The following TENM3 variants were observed in gnomAD, a reference collection of about 807,000 sequenced individuals.
The protein encoded by TENM3 is teneurin transmembrane protein 3.
Under a neutral mutation model 255.1 loss-of-function variants are expected in TENM3, and 63 were observed. The ratio of observed to expected loss-of-function variants is 0.25; its 90% confidence interval spans 0.20 to 0.30. The LOEUF (loss-of-function observed/expected upper bound fraction) is 0.30, where lower values mean the gene tolerates loss of function less well. Ranked by LOEUF, TENM3 falls within the 10% of genes least tolerant of loss-of-function variation. The pLI is 1.00. For synonymous variants in TENM3, 1,306 were observed against 1,322.3 expected, an observed-to-expected ratio of 0.99 and a Z score of 0.27; for missense variants, 2,929 against 3,461.1, an observed-to-expected ratio of 0.85 and a Z score of 3.86.
intron 2 of TENM3, among the ~76,000 whole-genome samples, chr4:182,326,537 T>C (rs969017361): frequency 1.2e-4 from 19 of 152,094 alleles, no homozygotes; most frequent in Non-Finnish European, 5.9e-5. Flanking sequence ...TTATCATTAT[T>C]ATTAATTAAT....
chr4:182,328,311 G>T (rs1288349710), intron 2 of TENM3, among the ~76,000 whole-genome samples: 1 of 152,016 alleles, frequency 6.6e-6, no homozygotes, highest in Non-Finnish European at 1.5e-5. Flanking sequence ...TGCCTCCTGG[G>T]TTCAAGCAAT....
At chr4:182,505,100 A>G (rs1257061456) in intron 3 of TENM3, among the ~76,000 whole-genome samples, 3 of 152,190 alleles carry the variant, frequency 2.0e-5, no homozygotes, top group Admixed American at 6.5e-5. Context: ...AGTATAATCA[A>G]TATTGATGGA....
the TENM3 span, among the ~76,000 whole-genome samples, chr4:182,049,697 GAGGAAA>G: frequency 3.9e-5 from 6 of 152,250 alleles, no homozygotes; most frequent in Non-Finnish European, 7.3e-5. Flanking sequence ...TACCGTTTAA[GAGGAAA>G]AGGAAAAGTC....
At chr4:181,479,293 G>A in the TENM3 span, among the ~76,000 whole-genome samples, 7 of 152,148 alleles carry the variant, frequency 4.6e-5, no homozygotes, top group Admixed American at 4.6e-4. Context: ...AAAAGGCAGA[G>A]ACTGACAACT....
intron 3 of TENM3, among the ~76,000 whole-genome samples, chr4:182,566,718 T>G (rs1272486652): frequency 1.3e-5 from 2 of 152,230 alleles, no homozygotes; most frequent in African/African-American, 4.8e-5. Context: ...TTTACAAAGA[T>G]GCACACCTGT....
the TENM3 span, among the ~76,000 whole-genome samples, chr4:181,622,920 A>T: frequency 6.0e-4 from 91 of 152,194 alleles, no homozygotes; most frequent in African/African-American, 2.1e-3. Context: ...AGGTACACAC[A>T]TTACTAACTT....
chr4:181,756,692 T>A, the TENM3 span, among the ~76,000 whole-genome samples: 3 of 152,214 alleles, frequency 2.0e-5, no homozygotes, highest in Non-Finnish European at 4.4e-5. Context: ...AAAGCAAATG[T>A]TAGGGCTAAC....
chr4:182,363,849 C>T (rs1358286132), intron 3 of TENM3, among the ~76,000 whole-genome samples: 1 of 152,020 alleles, frequency 6.6e-6, no homozygotes, highest in Non-Finnish European at 1.5e-5. Flanking sequence ...TGTTAATGTT[C>T]ACAAAGAAAG....
intron 1 of TENM3, among the ~76,000 whole-genome samples, chr4:182,230,091 A>C (rs1353249210): frequency 6.6e-6 from 1 of 151,284 alleles, no homozygotes; most frequent in Non-Finnish European, 1.5e-5. Flanking sequence ...ATAAGCAGAC[A>C]GAGAAATTTC....
chr4:182,654,910 G>A (rs1421573288), intron 6 of TENM3, among the ~76,000 whole-genome samples: 1 of 152,008 alleles, frequency 6.6e-6, no homozygotes, highest in East Asian at 1.9e-4. Flanking sequence ...TCCTTAGGGA[G>A]GTTGAGGAAT....
At chr4:181,793,378 A>T in the TENM3 span, among the ~76,000 whole-genome samples, 3 of 152,234 alleles carry the variant, frequency 2.0e-5, no homozygotes, top group Non-Finnish European at 4.4e-5. Context: ...CCCACAGAGC[A>T]TGCTGAGGCT....
chr4:182,314,000 T>G (rs1762597363), intron 1 of TENM3, among the ~76,000 whole-genome samples: 1 of 152,212 alleles, frequency 6.6e-6, no homozygotes, highest in African/African-American at 2.4e-5. Flanking sequence ...ATATTCTGTC[T>G]CCTTTCTCAG....
At chr4:182,579,355 G>A (rs536116787) in intron 3 of TENM3, among the ~76,000 whole-genome samples, 2 of 136,484 alleles carry the variant, frequency 1.5e-5, no homozygotes, top group South Asian at 4.9e-4. Context: ...GTAGGATAAT[G>A]CAATGGGAAA....
intron 3 of TENM3, among the ~76,000 whole-genome samples, chr4:182,350,928 C>T (rs1330080176): frequency 6.6e-6 from 1 of 152,054 alleles, no homozygotes; most frequent in South Asian, 2.1e-4. Context: ...CGTGATCTGC[C>T]CGCCTCTGCC....
rs1235673597 is a variant in TENM3, at chr4:182,792,900, C to T, written c.6228C>T (p.Thr2076=). 6.2e-6 allele frequency: 10 copies of T among 1,613,776 alleles called. No homozygotes were observed. The East Asian group carries it at 1.6e-4, about 25-fold the overall frequency. The change falls in exon 26 of 28, where the codon ACC becomes ACT. Residue 2076 remains threonine (T), a synonymous_variant. Transcript: ENST00000511685. The surrounding 1 kb of genome is among the most constrained non-coding windows in gnomAD (Gnocchi z 6.3). ...INQIISTAVM[T]YTKHFDAHGR... is the part of the protein sequence containing the mutation. Reference sequence around the variant, plus strand: ...AGATCATTTCTACAGCTGTAATGACCTATACGAAGCACTTTGATGCTCATG... The same window carrying T: ...AGATCATTTCTACAGCTGTAATGACTTATACGAAGCACTTTGATGCTCATG...
intron 3 of TENM3, among the ~76,000 whole-genome samples, chr4:182,451,726 AT>A (rs1200845929): frequency 6.6e-6 from 1 of 152,188 alleles, no homozygotes; most frequent in African/African-American, 2.4e-5. Flanking sequence ...GTATTCTTGC[AT>A]TTTCTAAAGT....
intron 3 of TENM3, among the ~76,000 whole-genome samples, chr4:182,405,435 G>T (rs1248465614): frequency 6.6e-6 from 1 of 152,206 alleles, no homozygotes; most frequent in African/African-American, 2.4e-5. Flanking sequence ...GATGCATGTT[G>T]AGTGTATGGA....
At chr4:182,729,721 A>C (rs1760535705) in intron 14 of TENM3, among the ~76,000 whole-genome samples, 1 of 152,222 alleles carries the variant, frequency 6.6e-6, no homozygotes, top group Non-Finnish European at 1.5e-5. Context: ...CTGGGTCTGC[A>C]GTAATTTAAC....
At chr4:181,591,769 C>T in the TENM3 span, among the ~76,000 whole-genome samples, 1 of 152,190 alleles carries the variant, frequency 6.6e-6, no homozygotes, top group Non-Finnish European at 1.5e-5. Context: ...GATGAAACCA[C>T]CACTGCCACC....
Sources: gnomAD v4.1 joint callset for allele counts (sites outside exome capture counted in the v4.1 genomes callset) on GRCh38, gnomAD v4.1.1 for gene constraint, Gnocchi (gnomAD v3.1) non-coding constraint, MANE v1.5 for transcripts, NCBI Gene and HGNC (gene_info 2026-07-23, HGNC 2026-07-21) for gene names.